Variants in RSF1 observed in about 807,000 individuals in gnomAD.
The protein encoded by RSF1 is HBV pX-associated protein 8.
A neutral mutation model predicts 145.2 loss-of-function variants in RSF1; 13 were observed. The ratio of observed to expected loss-of-function variants is 0.09; its 90% CI spans 0.06 to 0.14. The LOEUF (loss-of-function observed/expected upper bound fraction) is 0.14, where lower values mean the gene tolerates loss of function less well. Ranked by LOEUF, RSF1 falls within the 10% of genes least tolerant of loss-of-function variation. The pLI, the probability that RSF1 is intolerant of heterozygous loss-of-function variation, is 1.00. For missense variants in RSF1, 1,517 were observed against 1,718.2 expected (o/e 0.88, Z 2.07); for synonymous variants, 577 against 592.6 (o/e 0.97, Z 0.38).
At position 77,734,663 on chromosome 11, in the gene RSF1, C is replaced by A. The variant is rs1039862763; in HGVS notation, c.578+6068G>T. The A allele has an allele frequency of 5.7e-5, 81 of 1,420,286 alleles. No homozygotes were observed. In the East Asian group the frequency reaches 1.7e-3, roughly 30 times the overall value. The allele number at this position is 1,420,286 out of a possible 1,614,324, so 88.0% of individuals were successfully genotyped here. A position where few individuals can be genotyped will look rare whatever the true frequency, so the allele number is the denominator to read the frequency against. On this transcript the variant is annotated intron_variant, in intron 4 of 15. Coordinates refer to ENST00000308488, the MANE Select transcript of RSF1 (RefSeq NM_016578.4). ...AAATGGGGGTCATTTTTGTCAGTGGCCAATTTGTGCAGTTCCAGTAGTGAC... is the reference window on the plus strand; with the variant it reads ...AAATGGGGGTCATTTTTGTCAGTGGACAATTTGTGCAGTTCCAGTAGTGAC...
intron 4 of RSF1, among the ~76,000 whole-genome samples, chr11:77,735,869 A>G (rs1240528363): frequency 6.6e-6 from 1 of 152,146 alleles, no homozygotes; most frequent in Non-Finnish European, 1.5e-5. Flanking sequence ...CCTTCCGAGT[A>G]GCTGGGACTA....
chr11:77,741,014 A>G (rs771112653), intron 3 of RSF1, 78 bp from the exon 4 acceptor site: 2 of 1,090,400 alleles, frequency 1.8e-6, no homozygotes, highest in Non-Finnish European at 2.7e-6. Flanking sequence ...CAACCGTAGA[A>G]TTGATTCAGG....
intron 11 of RSF1, among the ~76,000 whole-genome samples, chr11:77,679,531 G>T (rs1959800719): frequency 6.6e-6 from 1 of 152,028 alleles, no homozygotes; most frequent in Non-Finnish European, 1.5e-5. Flanking sequence ...AAAATTAGCT[G>T]GGTGTGTGGT....
intron 3 of RSF1, among the ~76,000 whole-genome samples, chr11:77,742,797 T>C (rs1340457651): frequency 1.3e-5 from 2 of 152,260 alleles, no homozygotes; most frequent in Non-Finnish European, 2.9e-5. Flanking sequence ...TGCCCATTTT[T>C]AAATCAGATT....
At chr11:77,810,013 T>C (rs1948715093) in intron 1 of RSF1, among the ~76,000 whole-genome samples, 1 of 152,228 alleles carries the variant, frequency 6.6e-6, no homozygotes, top group Admixed American at 6.5e-5. Flanking sequence ...TAACCAGTAC[T>C]GCACTTTTGC....
chr11:77,840,772 ATTT>A, the RSF1 span, among the ~76,000 whole-genome samples: 1 of 151,986 alleles, frequency 6.6e-6, no homozygotes, highest in South Asian at 2.1e-4. Context: ...ATGCCTTGTA[ATTT>A]TTTGTTGAAG....
intron 1 of RSF1, among the ~76,000 whole-genome samples, chr11:77,769,088 C>T (rs899517169): frequency 1.3e-5 from 2 of 152,016 alleles, no homozygotes; most frequent in East Asian, 1.9e-4. Flanking sequence ...GATGGAGTCT[C>T]GCTCTGTCGC....
At chr11:77,762,543 T>G (rs561781204) in intron 2 of RSF1, 1 of 152,236 alleles carries the variant, frequency 6.6e-6, no homozygotes, top group Admixed American at 6.5e-5. Flanking sequence ...TCTATTACAG[T>G]AGGGCTAAGC....
the RSF1 span, among the ~76,000 whole-genome samples, chr11:77,852,290 T>C: frequency 7.0e-6 from 1 of 143,708 alleles, no homozygotes. Flanking sequence ...GTCACTGAAA[T>C]TAATGATCAT....
chr11:77,680,373 G>C (rs1301453538), intron 11 of RSF1, among the ~76,000 whole-genome samples: 3 of 152,128 alleles, frequency 2.0e-5, no homozygotes, highest in African/African-American at 7.2e-5. Flanking sequence ...ATAGGAGTTC[G>C]AGGCCGCAGT....
rs1466825240 is a variant in RSF1 at position 77,701,824 on chromosome 11, C to CCTTTGTCTCATAAAA, written c.1390_1404dup (p.Phe464_Lys468dup). The CCTTTGTCTCATAAAA allele has an allele frequency of 6.2e-7, 1 of 1,613,916 alleles. No individual in the cohort carries two copies. Among genetic ancestry groups the CCTTTGTCTCATAAAA allele is most frequent in the African/African-American group, 1.3e-5 (1 of 74,898 alleles). On this transcript the variant is annotated inframe_insertion, in exon 6 of 16. Coordinates refer to ENST00000308488, the MANE Select transcript of RSF1 (RefSeq NM_016578.4). ...TCCTTAGAGGGGCTATAGCTCTCTTCCTTTGTCTCATAAAACTTTGTCTCT... is the reference window on the plus strand; with the variant it reads ...TCCTTAGAGGGGCTATAGCTCTCTTCCTTTGTCTCATAAAACTTTGTCTCATAAAACTTTGTCTCT...
Position 77,764,614 on chromosome 11 carries a change from T to C in RSF1, c.263A>G (p.Glu88Gly), listed in dbSNP as rs749154535. Residue 88 changes from glutamate (E) to glycine (G), a missense_variant, in exon 2 of 16, where the codon GAA becomes GGA. Transcript: ENST00000308488. The stretch of plus-strand genomic sequence containing the variant: ...ACTAGTTACCTTGATCAAATATTTT[T>C]CCCATCTGTCTGCAGTAACAGATTT... ...IGKSVTADRWEKYLIKICQEF... is the reference protein window; with the variant it reads ...IGKSVTADRWGKYLIKICQEF... 1 of 1,594,444 alleles carries C rather than the reference T, an allele frequency of 6.3e-7. No homozygotes were observed. Among genetic ancestry groups the C allele is most frequent in the African/African-American group, 1.3e-5 (1 of 74,620 alleles).
intron 1 of RSF1, among the ~76,000 whole-genome samples, chr11:77,818,357 A>G (rs888513655): frequency 2.0e-5 from 3 of 152,230 alleles, no homozygotes; most frequent in Non-Finnish European, 4.4e-5. Flanking sequence ...AGAAATTACC[A>G]AAACAATTTA....
chr11:77,782,370 G>A (rs762943059), intron 1 of RSF1, among the ~76,000 whole-genome samples: 4 of 152,014 alleles, frequency 2.6e-5, no homozygotes, highest in South Asian at 2.1e-4. Context: ...GCAAAACCCC[G>A]TCTCTACTAA....
At chr11:77,683,119 C>T (rs1475826049) in intron 11 of RSF1, among the ~76,000 whole-genome samples, 3 of 151,896 alleles carry the variant, frequency 2.0e-5, no homozygotes, top group African/African-American at 7.3e-5. Flanking sequence ...GGTGAAACCC[C>T]GTCTCTACTA....
intron 7 of RSF1, among the ~76,000 whole-genome samples, chr11:77,696,958 GA>G (rs1960291778): frequency 1.3e-5 from 2 of 152,224 alleles, no homozygotes; most frequent in Admixed American, 1.3e-4. Context: ...CAGTAAGAAA[GA>G]AAAGAGTAAG....
chr11:77,823,613 CCCTGT>C (rs71865681), upstream of RSF1, among the ~76,000 whole-genome samples: 19,547 of 129,964 alleles, frequency 0.15, 1,813 homozygotes, highest in African/African-American at 0.23. Context: ...CAGAACTACA[CCCTGT>C]CTCAAAAAAA....
chr11:77,772,179 C>CT (rs552017182), intron 1 of RSF1, among the ~76,000 whole-genome samples: 116 of 146,518 alleles, frequency 7.9e-4, no homozygotes, highest in East Asian at 5.0e-3. Flanking sequence ...GTTTCTGACA[C>CT]TTTTTTTTTT....
chr11:77,780,820 G>A (rs535473849), intron 1 of RSF1, among the ~76,000 whole-genome samples: 5 of 68,288 alleles, frequency 7.3e-5, no homozygotes, highest in Admixed American at 3.3e-4. Context: ...GCGAGACTCC[G>A]TCTCAAAAAA....
Sources: allele counts gnomAD v4.1 joint callset (sites outside exome capture counted in the v4.1 genomes callset), GRCh38; gene constraint gnomAD v4.1.1; transcripts MANE v1.5; gene names NCBI Gene and HGNC (gene_info 2026-07-23, HGNC 2026-07-21).